GPAT3: variants seen among roughly 807,000 people sequenced by gnomAD.
GPAT3 encodes the protein glycerol-3-phosphate acyltransferase 3.
Under a neutral mutation model 58.8 loss-of-function variants are expected in GPAT3, and 53 were observed. The observed-to-expected ratio is 0.90, with a 90% confidence interval of 0.72 to 1.13. GPAT3 has a LOEUF of 1.13. Ranked by LOEUF, GPAT3 falls within the 50% of genes most tolerant of loss-of-function variation. The pLI, the probability that GPAT3 is intolerant of heterozygous loss-of-function variation, is 0.00. For synonymous variants in GPAT3, 197 were observed against 187.4 expected, an observed-to-expected ratio of 1.05 and a Z score of -0.42; for missense variants, 511 against 527.6, an observed-to-expected ratio of 0.97 and a Z score of 0.31.
At chr4:83,542,427 T>A (rs1245240385) in intron 1 of GPAT3, among the ~76,000 whole-genome samples, 2 of 152,218 alleles carry the variant, frequency 1.3e-5, no homozygotes, top group Non-Finnish European at 2.9e-5. Context: ...GTCTTATGAT[T>A]TAGTCACTTG....
chr4:83,598,237 A>T, intron 10 of GPAT3, 58 bp downstream of exon 10: 1 of 1,574,470 alleles, frequency 6.4e-7, no homozygotes, highest in Non-Finnish European at 8.6e-7. Flanking sequence ...CTTCACCTGA[A>T]AATCTGGGTG....
At chr4:83,551,120 A>G (rs1175989012) in intron 2 of GPAT3, among the ~76,000 whole-genome samples, 1 of 152,198 alleles carries the variant, frequency 6.6e-6, no homozygotes, top group Non-Finnish European at 1.5e-5. Context: ...CTCAGCATAT[A>G]TGTATTAGGT....
rs1004876106 is a variant in GPAT3 at position 83,604,919 on chromosome 4, A to C, written c.*152A>C. On this transcript the variant is annotated 3_prime_UTR_variant, in exon 12 of 12. Coordinates refer to ENST00000264409, the MANE Select transcript of GPAT3 (RefSeq NM_032717.5). ...CCTCTTTATGCCAGAGGCAGAACCT[A>C]CAGGTGCCCTTTTTGGCTTTTGTTG... The C allele has an allele frequency of 1.5e-6, 1 of 645,956 alleles. No individual in the cohort carries two copies. The highest frequency in any genetic ancestry group is 1.8e-5 in the African/African-American group (1 of 54,074). 40.0% of individuals were successfully genotyped at this position (645,956 alleles called of 1,614,324 possible).
At chr4:83,564,386 C>G (rs1181600376) in intron 2 of GPAT3, among the ~76,000 whole-genome samples, 1 of 152,078 alleles carries the variant, frequency 6.6e-6, no homozygotes, top group African/African-American at 2.4e-5. Context: ...TGTTTGTTTT[C>G]TAGGACCTTC....
intron 6 of GPAT3, among the ~76,000 whole-genome samples, chr4:83,592,200 G>A (rs557930702): frequency 6.6e-6 from 1 of 152,170 alleles, no homozygotes; most frequent in Non-Finnish European, 1.5e-5. Flanking sequence ...TCAGAACTTT[G>A]TTGGCATTTT....
At chr4:83,585,346 A>G (rs1350682025) in intron 3 of GPAT3, among the ~76,000 whole-genome samples, 1 of 149,772 alleles carries the variant, frequency 6.7e-6, no homozygotes, top group African/African-American at 2.4e-5. Context: ...GATAGTTATA[A>G]TTATAAAATT....
chr4:83,597,639 A>G (rs994950162), intron 9 of GPAT3, 124 bp downstream of exon 9: 5 of 630,310 alleles, frequency 7.9e-6, no homozygotes, highest in African/African-American at 7.6e-5. Flanking sequence ...CGGATGCACC[A>G]GTCCTCTGCA....
intron 1 of GPAT3, 130 bp downstream of exon 1, chr4:83,536,893 T>A: frequency 1.2e-6 from 1 of 843,010 alleles, no homozygotes; most frequent in Non-Finnish European, 1.8e-6. Flanking sequence ...CGTGCATTTC[T>A]GTTCCTTGCC....
intron 2 of GPAT3, 144 bp from the exon 3 acceptor site, chr4:83,581,418 C>A: frequency 1.2e-6 from 1 of 840,954 alleles, no homozygotes; most frequent in Non-Finnish European, 1.8e-6. Flanking sequence ...AATTGTTTGT[C>A]TCTTACTTCT....
intron 2 of GPAT3, among the ~76,000 whole-genome samples, chr4:83,579,492 A>G (rs1415277897): frequency 6.6e-6 from 1 of 151,774 alleles, no homozygotes; most frequent in Non-Finnish European, 1.5e-5. Flanking sequence ...AGGTTTCACC[A>G]TGTTGCCCAG....
At chr4:83,578,314 T>A (rs1319525050) in intron 2 of GPAT3, among the ~76,000 whole-genome samples, 1 of 152,240 alleles carries the variant, frequency 6.6e-6, no homozygotes, top group Non-Finnish European at 1.5e-5. Context: ...GTCGGCTAGA[T>A]AAATTGCAGT....
chr4:83,563,939 A>G (rs910344913), intron 2 of GPAT3, among the ~76,000 whole-genome samples: 1 of 152,234 alleles, frequency 6.6e-6, no homozygotes, highest in Admixed American at 6.5e-5. Flanking sequence ...AAGTTTCATT[A>G]TATGAATGCA....
chr4:83,594,437 G>T (rs1726734522), intron 6 of GPAT3, among the ~76,000 whole-genome samples: 1 of 152,180 alleles, frequency 6.6e-6, no homozygotes, highest in African/African-American at 2.4e-5. Context: ...TTCCATTTGT[G>T]TTGTAATCTG....
chr4:83,547,615 C>T (rs1724593730), intron 2 of GPAT3, among the ~76,000 whole-genome samples: 1 of 151,962 alleles, frequency 6.6e-6, no homozygotes, highest in East Asian at 1.9e-4. Flanking sequence ...AGTCTCCCTT[C>T]CCAGTTAAAT....
At chr4:83,587,617 G>T (rs537550298) in intron 4 of GPAT3, among the ~76,000 whole-genome samples, 7 of 152,102 alleles carry the variant, frequency 4.6e-5, no homozygotes, top group Non-Finnish European at 7.4e-5. Flanking sequence ...TAGTAGAGAC[G>T]GGGTTTCACC....
rs1230586659 is a variant in GPAT3, at chr4:83,544,536, T to A, written c.142T>A (p.Trp48Arg). 6.2e-7 allele frequency: 1 copy of A among 1,613,904 alleles called. No homozygotes were observed. Among genetic ancestry groups the A allele is most frequent in the Admixed American group, 1.7e-5 (1 of 60,010 alleles). ...YMKILVKTLE[W>R]ATIRIEKGTP... ...ATTAATATTTCTTGTTTTTGAACAG[T>A]GGGCCACAATACGAATTGAAAAAGG... The change falls in exon 2 of 12, where the codon TGG becomes AGG. Residue 48 changes from tryptophan to arginine, a missense_variant and splice_region_variant. Coordinates refer to ENST00000264409, the MANE Select transcript of GPAT3 (RefSeq NM_032717.5).
intron 2 of GPAT3, among the ~76,000 whole-genome samples, chr4:83,577,400 G>T (rs1725859927): frequency 6.6e-6 from 1 of 152,178 alleles, no homozygotes; most frequent in South Asian, 2.1e-4. Context: ...CCTTGATTTT[G>T]ATAATTACAA....
At chr4:83,574,867 C>CTTTTT (rs559690278) in intron 2 of GPAT3, among the ~76,000 whole-genome samples, 33 of 112,902 alleles carry the variant, frequency 2.9e-4, no homozygotes, top group African/African-American at 4.0e-4. Context: ...ACATTTCTTT[C>CTTTTT]TTTTTTTTTT....
intron 2 of GPAT3, among the ~76,000 whole-genome samples, chr4:83,572,016 A>AC (rs1055440974): frequency 3.6e-4 from 54 of 151,610 alleles, no homozygotes; most frequent in African/African-American, 1.2e-3. Flanking sequence ...CAGGTAATCC[A>AC]CCCCCGTTGT....
Sources: gnomAD v4.1 joint callset for allele counts (sites outside exome capture counted in the v4.1 genomes callset) on GRCh38, gnomAD v4.1.1 for gene constraint, MANE v1.5 for transcripts, NCBI Gene and HGNC (gene_info 2026-07-23, HGNC 2026-07-21) for gene names.